The following PRUNE2 variants were observed in gnomAD, a reference collection of about 807,000 sequenced individuals.
The protein encoded by PRUNE2 is protein prune homolog 2.
A neutral mutation model predicts 252.0 loss-of-function variants in PRUNE2; 164 were observed. The observed-to-expected ratio is 0.65, with a 90% confidence interval of 0.57 to 0.74. PRUNE2 has a LOEUF of 0.74. Ranked by LOEUF, PRUNE2 falls within the 30% of genes least tolerant of loss-of-function variation. The pLI is 0.00. For missense variants in PRUNE2, 3,495 were observed against 3,711.0 expected (o/e 0.94, Z 1.51); for synonymous variants, 1,292 against 1,350.2 (o/e 0.96, Z 0.94).
intron 6 of PRUNE2, among the ~76,000 whole-genome samples, chr9:76,751,264 A>ACT (rs1290305947): frequency 6.6e-6 from 1 of 151,096 alleles, no homozygotes; most frequent in Non-Finnish European, 1.5e-5. Flanking sequence ...ACACACACAC[A>ACT]CACACACAGA....
intron 6 of PRUNE2, among the ~76,000 whole-genome samples, chr9:76,744,715 T>C (rs577578072): frequency 3.2e-4 from 48 of 152,226 alleles, no homozygotes; most frequent in African/African-American, 1.0e-3. Context: ...TCTGAGCCCC[T>C]GTTTGTTTAA....
chr9:76,665,992 A>G (rs970397332), intron 9 of PRUNE2, among the ~76,000 whole-genome samples: 4 of 152,168 alleles, frequency 2.6e-5, no homozygotes, highest in African/African-American at 9.7e-5. Context: ...CGTAGCAATT[A>G]CTCTTTATTC....
intron 9 of PRUNE2, among the ~76,000 whole-genome samples, chr9:76,678,870 C>T (rs556546521): frequency 2.4e-4 from 36 of 152,218 alleles, no homozygotes; most frequent in Non-Finnish European, 4.3e-4. Context: ...TAAAGTCCTT[C>T]CTCCCTTCCT....
intron 1 of PRUNE2, among the ~76,000 whole-genome samples, chr9:76,896,083 G>A (rs1004690887): frequency 4.0e-5 from 6 of 151,518 alleles, no homozygotes; most frequent in African/African-American, 1.2e-4. Flanking sequence ...CATCAGGTCT[G>A]CTTCTTATAG....
intron 6 of PRUNE2, chr9:76,785,550 C>T (rs1209346247): frequency 6.6e-6 from 1 of 152,174 alleles, no homozygotes; most frequent in South Asian, 2.1e-4. Context: ...AACCTTTATC[C>T]ATTTCATGGT....
intron 10 of PRUNE2, among the ~76,000 whole-genome samples, chr9:76,653,795 C>T (rs1012885068): frequency 3.3e-5 from 5 of 152,122 alleles, no homozygotes; most frequent in African/African-American, 7.2e-5. Context: ...ATGCCAATCT[C>T]GCTTGACATT....
intron 6 of PRUNE2, chr9:76,733,746 A>C (rs1007006186): frequency 6.6e-6 from 1 of 152,020 alleles, no homozygotes; most frequent in African/African-American, 2.4e-5. Context: ...CAATTAATTA[A>C]TTTGCCTGTA....
Position 76,643,308 on chromosome 9 carries a change from T to C in PRUNE2, c.8728+1431A>G, listed in dbSNP as rs1019683762. On this transcript the variant is annotated intron_variant, in intron 12 of 18. Coordinates refer to ENST00000376718, the MANE Select transcript of PRUNE2 (RefSeq NM_015225.3). Reference sequence around the variant, plus strand: ...AGGGCTTATCACTGGGTGACTTTGATGTGACAGACATTTTAATTTTTTAAT... The same window carrying C: ...AGGGCTTATCACTGGGTGACTTTGACGTGACAGACATTTTAATTTTTTAAT... 3.9e-5 allele frequency among the ~76,000 whole-genome samples: 6 copies of C among 152,284 alleles called. No individual in the cohort carries two copies. In the East Asian group the frequency reaches 5.8e-4, roughly 15 times the overall value.
chr9:76,727,950 A>C (rs1396701113), intron 6 of PRUNE2, among the ~76,000 whole-genome samples: 2 of 151,990 alleles, frequency 1.3e-5, no homozygotes, highest in Non-Finnish European at 2.9e-5. Flanking sequence ...TCCTGACCTC[A>C]GGTGATCTGC....
intron 4 of PRUNE2, among the ~76,000 whole-genome samples, chr9:76,835,050 G>T (rs1255808589): frequency 1.3e-5 from 2 of 152,182 alleles, no homozygotes. Context: ...GCGATTAACA[G>T]CAAGCAACAA....
At chr9:76,761,103 A>AAT (rs1160921858) in intron 6 of PRUNE2, among the ~76,000 whole-genome samples, 6 of 151,312 alleles carry the variant, frequency 4.0e-5, no homozygotes, top group African/African-American at 7.3e-5. Flanking sequence ...AAAAAAAAAA[A>AAT]ATACTCAACA....
Position 76,637,421 on chromosome 9 carries a change from C to T in PRUNE2, c.8960G>A (p.Arg2987Lys). ...WMKKCYQMID[R>K]RLRKNLKSFI... ...TTAAATAATAGAGCCCACATACCGT[C>T]TGTCAATCATCTGGTAGCATTTCTT... Residue 2987 changes from arginine to lysine, a missense_variant, in exon 14 of 19, where the codon AGA becomes AAA. Coordinates refer to ENST00000376718, the MANE Select transcript of PRUNE2 (RefSeq NM_015225.3). 1.9e-6 allele frequency: 3 copies of T among 1,613,536 alleles called. No individual in the cohort carries two copies. Among genetic ancestry groups the T allele is most frequent in the Non-Finnish European group, 2.5e-6 (3 of 1,179,736 alleles).
chr9:76,762,213 T>C (rs1484352411), intron 6 of PRUNE2, among the ~76,000 whole-genome samples: 1 of 152,250 alleles, frequency 6.6e-6, no homozygotes, highest in Admixed American at 6.5e-5. Context: ...CCCTGAGTTC[T>C]ACAACAACCA....
chr9:76,809,668 C>T (rs993657905), intron 6 of PRUNE2, among the ~76,000 whole-genome samples: 7 of 152,144 alleles, frequency 4.6e-5, no homozygotes, highest in African/African-American at 1.4e-4. Context: ...TGCACTCCAG[C>T]CTGGTGACAG....
At chr9:76,639,524 CA>C (rs1224481464) in intron 12 of PRUNE2, among the ~76,000 whole-genome samples, 2 of 151,946 alleles carry the variant, frequency 1.3e-5, no homozygotes, top group African/African-American at 4.8e-5. Context: ...TATATACAGC[CA>C]ATATTTTACT....
chr9:76,652,676 A>C lies in PRUNE2; in HGVS notation c.8364T>G (p.Pro2788=). ...PSAADMRPEP[P]NSLDLNDTHP... The stretch of plus-strand genomic sequence containing the variant: ...GAGTGTCATTAAGATCCAGAGAATT[A>C]GGAGGTTCTAAAGAAGAAAGAGAAC... Residue 2788 remains proline, a synonymous_variant, in exon 11 of 19, where the codon CCT becomes CCG. Transcript: ENST00000376718. The C allele has an allele frequency of 6.2e-7, 1 of 1,607,960 alleles. No homozygotes were observed. The highest frequency in any genetic ancestry group is 8.5e-7 in the Non-Finnish European group (1 of 1,174,636).
chr9:76,714,157 A>G (rs1245520517), intron 6 of PRUNE2, among the ~76,000 whole-genome samples: 1 of 152,100 alleles, frequency 6.6e-6, no homozygotes, highest in African/African-American at 2.4e-5. Flanking sequence ...TATTAACTCC[A>G]AGGAGAAATT....
intron 6 of PRUNE2, among the ~76,000 whole-genome samples, chr9:76,758,035 A>T (rs902584601): frequency 2.6e-5 from 4 of 152,090 alleles, no homozygotes; most frequent in South Asian, 2.1e-4. Context: ...TTAAATAATA[A>T]TTTTTTCTTC....
chr9:76,796,512 G>T (rs1379527084), intron 6 of PRUNE2, among the ~76,000 whole-genome samples: 2 of 152,120 alleles, frequency 1.3e-5, no homozygotes, highest in East Asian at 3.9e-4. Context: ...TCCCCTGATT[G>T]GTGTCACAAG....
Sources: allele counts gnomAD v4.1 joint callset (sites outside exome capture counted in the v4.1 genomes callset), GRCh38; gene constraint gnomAD v4.1.1; transcripts MANE v1.5; gene names NCBI Gene and HGNC (gene_info 2026-07-23, HGNC 2026-07-21).